Variants in CTDSPL observed in about 807,000 individuals in gnomAD.
CTDSPL encodes the protein CTD small phosphatase-like protein.
In CTDSPL, 8 loss-of-function variants were observed where a neutral mutation model predicts 30.5. The observed-to-expected ratio is 0.26, with a 90% CI of 0.15 to 0.47. The LOEUF (loss-of-function observed/expected upper bound fraction) is 0.47, where lower values mean the gene tolerates loss of function less well. Among genes scored for constraint, CTDSPL ranks in the 20% least tolerant of loss-of-function variants. CTDSPL has a pLI of 0.99. For missense variants in CTDSPL, 248 were observed against 366.1 expected (o/e 0.68, Z 2.63); for synonymous variants, 110 against 137.9 (o/e 0.80, Z 1.42).
chr3:37,941,024 G>A (rs1382823142), intron 1 of CTDSPL, among the ~76,000 whole-genome samples: 1 of 150,382 alleles, frequency 6.6e-6, no homozygotes, highest in Non-Finnish European at 1.5e-5. Context: ...TGGCAGATAG[G>A]AGGTCCCCAG....
At chr3:37,962,448 T>C (rs568422030) in intron 3 of CTDSPL, among the ~76,000 whole-genome samples, 1 of 152,332 alleles carries the variant, frequency 6.6e-6, no homozygotes, top group African/African-American at 2.4e-5. Context: ...CTTCTCCATC[T>C]TTTCTCTCTT....
chr3:37,976,663 A>T (rs1271546163), intron 7 of CTDSPL, among the ~76,000 whole-genome samples: 1 of 152,090 alleles, frequency 6.6e-6, no homozygotes, highest in Non-Finnish European at 1.5e-5. Flanking sequence ...AAACACTTCA[A>T]TAAGGTCTTC....
intron 1 of CTDSPL, among the ~76,000 whole-genome samples, chr3:37,945,453 CTA>C (rs1699024496): frequency 6.6e-6 from 1 of 152,222 alleles, no homozygotes; most frequent in African/African-American, 2.4e-5. Flanking sequence ...AGCAGTAAAC[CTA>C]TCTCCTTAGG....
At position 37,980,828 on chromosome 3, in the gene CTDSPL, C is replaced by T. The variant is rs779085943; in HGVS notation, c.792C>T (p.Asp264=). The change falls in exon 8 of 8, where the codon GAC becomes GAT. Residue 264 remains aspartate, a synonymous_variant. Coordinates refer to ENST00000273179, the MANE Select transcript of CTDSPL (RefSeq NM_001008392.2). ...TCTTTGAGGGCCTGAGCCGGGAGGA[C>T]GACGTGTACAGCATGCTGCACAGAC... ...IPFFEGLSRE[D]DVYSMLHRLC... is the part of the protein sequence containing the mutation. 1.4e-5 allele frequency: 22 copies of T among 1,613,984 alleles called. No individual in the cohort carries two copies. Among genetic ancestry groups the T allele is most frequent in the Non-Finnish European group, 1.8e-5 (21 of 1,180,036 alleles).
intron 1 of CTDSPL, among the ~76,000 whole-genome samples, chr3:37,940,342 C>A (rs1698963941): frequency 6.6e-6 from 1 of 150,484 alleles, no homozygotes; most frequent in Non-Finnish European, 1.5e-5. Context: ...CAATCCTTTC[C>A]ATTTCAAATC....
Position 37,975,019 on chromosome 3 carries a change from G to A in CTDSPL, c.520-690G>A, listed in dbSNP as rs1699409600. On this transcript the variant is annotated intron_variant, in intron 6 of 7. Transcript: ENST00000273179. This position sits in a 1 kb window ranked among gnomAD's most constrained non-coding sequence, Gnocchi z 4.9. ...GCAATCCCACATAGTACTCCACTCT[G>A]TGAGGGAAACAACCCAGAAAGGAAG... is the stretch of plus-strand genomic sequence containing the variant. Among the ~76,000 whole-genome samples the A allele has an allele frequency of 6.6e-6, 1 of 152,228 alleles. No homozygotes were observed. Among genetic ancestry groups the A allele is most frequent in the Non-Finnish European group, 1.5e-5 (1 of 68,030 alleles).
At chr3:37,959,651 GTGCTAT>G (rs1699213839) in intron 3 of CTDSPL, among the ~76,000 whole-genome samples, 1 of 152,104 alleles carries the variant, frequency 6.6e-6, no homozygotes, top group South Asian at 2.1e-4. Context: ...TTCCACTTCT[GTGCTAT>G]TACAAATATT....
intron 2 of CTDSPL, among the ~76,000 whole-genome samples, chr3:37,947,693 G>C (rs73058958): frequency 6.6e-6 from 1 of 152,194 alleles, no homozygotes; most frequent in African/African-American, 2.4e-5. Context: ...GATTATATTT[G>C]ATGGGAGTTA....
At chr3:37,924,929 C>T (rs184826406) in intron 1 of CTDSPL, among the ~76,000 whole-genome samples, 24 of 152,290 alleles carry the variant, frequency 1.6e-4, no homozygotes, top group African/African-American at 5.5e-4. Flanking sequence ...CAGCTCTCAT[C>T]CTGTCCCTGT....
At chr3:37,892,793 A>C (rs1470127380) in intron 1 of CTDSPL, among the ~76,000 whole-genome samples, 2 of 152,206 alleles carry the variant, frequency 1.3e-5, no homozygotes, top group Non-Finnish European at 2.9e-5. Flanking sequence ...TAGTATAAGA[A>C]AGCTGGAACG....
At chr3:37,977,670 T>C (rs912860893) in intron 7 of CTDSPL, among the ~76,000 whole-genome samples, 2 of 151,298 alleles carry the variant, frequency 1.3e-5, no homozygotes, top group Admixed American at 6.6e-5. Flanking sequence ...AGGTGATCAC[T>C]TGAGCCCAAG....
intron 4 of CTDSPL, among the ~76,000 whole-genome samples, chr3:37,965,734 C>T (rs1013834908): frequency 8.5e-5 from 13 of 152,242 alleles, no homozygotes; most frequent in African/African-American, 3.1e-4. Flanking sequence ...CTTCTTTGTT[C>T]TTCTCACTAA....
chr3:37,897,811 G>GA (rs1442464468), intron 1 of CTDSPL, among the ~76,000 whole-genome samples: 1 of 152,154 alleles, frequency 6.6e-6, no homozygotes, highest in African/African-American at 2.4e-5. Flanking sequence ...CTTTTTGTGA[G>GA]AAAAACAGAA....
Position 37,968,027 on chromosome 3 carries a change from T to C in CTDSPL, c.426+145T>C. Reference sequence around the variant, plus strand: ...CATACTGTAATAAATACAATGTTTTTCTTTTTTTCACTCCAATGAATTTAT... The same window carrying C: ...CATACTGTAATAAATACAATGTTTTCCTTTTTTTCACTCCAATGAATTTAT... On this transcript the variant is annotated intron_variant, in intron 5 of 7. Coordinates refer to ENST00000273179, the MANE Select transcript of CTDSPL (RefSeq NM_001008392.2). The C allele has an allele frequency of 2.7e-5, 16 of 603,498 alleles. No homozygotes were observed. The South Asian group carries it at 3.7e-4, about 14-fold the overall frequency. The allele number at this position is 603,498 out of a possible 1,614,324, so 37.4% of individuals were successfully genotyped here.
chr3:37,934,487 A>G (rs1466429815), intron 1 of CTDSPL, among the ~76,000 whole-genome samples: 1 of 152,232 alleles, frequency 6.6e-6, no homozygotes, highest in Non-Finnish European at 1.5e-5. Flanking sequence ...TAGAAATAAT[A>G]GAAAAGTATA....
At position 37,983,730 on chromosome 3, in the gene CTDSPL, T is replaced by C. The variant is rs1227941039; in HGVS notation, c.*2863T>C. On this transcript the variant is annotated 3_prime_UTR_variant, in exon 8 of 8. Transcript: ENST00000273179. ...AAGTGCACAGGCACTCCCAATGTTG[T>C]TAATGCTCTGTCTTCCATTTGTTCT... 6.3e-6 allele frequency: 1 copy of C among 157,714 alleles called. No individual in the cohort carries two copies. Among genetic ancestry groups the C allele is most frequent in the Non-Finnish European group, 1.4e-5 (1 of 70,884 alleles). The allele number at this position is 157,714 out of a possible 1,614,324, so 9.8% of individuals were successfully genotyped here. A position where few individuals can be genotyped will look rare whatever the true frequency, so the allele number is the denominator to read the frequency against.
Position 37,975,649 on chromosome 3 carries a change from G to T in CTDSPL, c.520-60G>T. 6.9e-7 allele frequency: 1 copy of T among 1,450,066 alleles called. No individual in the cohort carries two copies. Among genetic ancestry groups the T allele is most frequent in the South Asian group, 1.3e-5 (1 of 75,292 alleles). The allele number at this position is 1,450,066 out of a possible 1,614,324, so 89.8% of individuals were successfully genotyped here. A position where few individuals can be genotyped will look rare whatever the true frequency, so the allele number is the denominator to read the frequency against. ...ACGTAATCTGGATCTTGCTGCTGTA[G>T]TTCAGGGTTTGGGGGGCTCTTTTAA... On this transcript the variant is annotated intron_variant, in intron 6 of 7. Coordinates refer to ENST00000273179, the MANE Select transcript of CTDSPL (RefSeq NM_001008392.2). This position sits in a 1 kb window ranked among gnomAD's most constrained non-coding sequence, Gnocchi z 4.9.
chr3:37,866,407 A>G (rs1231631454), intron 1 of CTDSPL, among the ~76,000 whole-genome samples: 1 of 152,228 alleles, frequency 6.6e-6, no homozygotes, highest in Non-Finnish European at 1.5e-5. Flanking sequence ...GACAACAAAT[A>G]TTCCTCTGGG....
intron 1 of CTDSPL, among the ~76,000 whole-genome samples, chr3:37,903,825 A>G (rs988011118): frequency 1.3e-5 from 2 of 152,274 alleles, no homozygotes; most frequent in Admixed American, 1.3e-4. Flanking sequence ...CAATGGGTCA[A>G]GCGACTACCA....
Sources: allele counts gnomAD v4.1 joint callset (sites outside exome capture counted in the v4.1 genomes callset), GRCh38; gene constraint gnomAD v4.1.1; non-coding constraint Gnocchi (gnomAD v3.1); transcripts MANE v1.5; gene names NCBI Gene and HGNC (gene_info 2026-07-23, HGNC 2026-07-21).